TRAF6: variants seen among roughly 807,000 people sequenced by gnomAD.
The protein encoded by TRAF6 is TNF receptor associated factor 6, also known as TNF receptor-associated factor 6.
In TRAF6, 10 loss-of-function variants were observed where a neutral mutation model predicts 48.4. That is an observed-to-expected ratio of 0.21 (90% confidence interval 0.13 to 0.35). The LOEUF is 0.35. Ranked by LOEUF, TRAF6 falls within the 10% of genes least tolerant of loss-of-function variation. The probability of loss-of-function intolerance (pLI) is 1.00; values close to 1 mark genes in which losing one functional copy is unlikely to be tolerated. For synonymous variants in TRAF6, 186 were observed against 219.6 expected, an observed-to-expected ratio of 0.85 and a Z score of 1.35; for missense variants, 397 against 661.0, an observed-to-expected ratio of 0.60 and a Z score of 4.38.
intron 2 of TRAF6, 23 bp from the exon 3 acceptor site, chr11:36,498,663 A>T (rs895005178): frequency 8.8e-6 from 14 of 1,582,862 alleles, no homozygotes; most frequent in Non-Finnish European, 1.2e-5. Flanking sequence ...AAATACACAC[A>T]ATTAGATTTA....
intron 6 of TRAF6, 123 bp downstream of exon 6, chr11:36,492,428 C>A: frequency 1.2e-6 from 1 of 819,152 alleles, no homozygotes. Context: ...ATGAATAACT[C>A]TATTATATCA....
In TRAF6 at chr11:36,490,124, C is replaced by A; in HGVS notation, c.1283G>T (p.Gly428Val). The change falls in exon 7 of 7, where the codon GGT (glycine) becomes GTT (valine). Residue 428 changes from glycine (G) to valine (V), a missense_variant. Physicochemically the swap from Gly to Val is moderately radical, Grantham distance 109. Coordinates refer to ENST00000526995, the MANE Select transcript of TRAF6 (RefSeq NM_004620.4). This position sits in a 1 kb window ranked among gnomAD's most constrained non-coding sequence, Gnocchi z 6.4. ...YDSHLPWPFQ[G>V]TIRLTILDQS... is the part of the protein sequence containing the mutation. ...ATCAAGAATTGTAAGGCGTATTGTACCCTGGAAGGGCCAAGGGAGGTGGCT... is the reference window on the plus strand; with the variant it reads ...ATCAAGAATTGTAAGGCGTATTGTAACCTGGAAGGGCCAAGGGAGGTGGCT... The A allele has an allele frequency of 6.2e-7, 1 of 1,614,130 alleles. No individual in the cohort carries two copies. Among genetic ancestry groups the A allele is most frequent in the Non-Finnish European group, 8.5e-7 (1 of 1,180,036 alleles).
rs1859514847 is a variant in TRAF6 at position 36,488,252 on chromosome 11, G to A, written c.*1586C>T. The A allele has an allele frequency of 6.8e-6, 1 of 147,354 alleles. No homozygotes were observed. Among genetic ancestry groups the A allele is most frequent in the Non-Finnish European group, 1.5e-5 (1 of 67,042 alleles). 9.1% of individuals were successfully genotyped at this position (147,354 alleles called of 1,614,324 possible). On this transcript the variant is annotated 3_prime_UTR_variant, in exon 7 of 7. Coordinates refer to ENST00000526995, the MANE Select transcript of TRAF6 (RefSeq NM_004620.4). ...TGGTGGCACGGGAAACAAGGTCTCTGCTTGACTTTTATTTTCACTCCATAA... is the reference window on the plus strand; with the variant it reads ...TGGTGGCACGGGAAACAAGGTCTCTACTTGACTTTTATTTTCACTCCATAA...
intron 1 of TRAF6, among the ~76,000 whole-genome samples, chr11:36,506,677 C>A (rs1564970098): frequency 1.3e-5 from 2 of 152,128 alleles, no homozygotes; most frequent in East Asian, 3.9e-4. Flanking sequence ...CTAAGAAAAT[C>A]TGTCTAATCA....
chr11:36,501,256 T>C lies in TRAF6; in HGVS notation c.260A>G (p.His87Arg). The C allele has an allele frequency of 6.2e-7, 1 of 1,611,902 alleles. No individual in the cohort carries two copies. The highest frequency in any genetic ancestry group is 8.5e-7 in the Non-Finnish European group (1 of 1,179,494). ...TATGATGCAGGCTTTGCAGAACCTATGGCCGCATGGCGTTTGCACTGCTTC... is the reference window on the plus strand; with the variant it reads ...TATGATGCAGGCTTTGCAGAACCTACGGCCGCATGGCGTTTGCACTGCTTC... ...LREAVQTPCG[H>R]RFCKACIIKS... The change falls in exon 2 of 7, where the codon CAT (histidine) becomes CGT (arginine). Residue 87 changes from histidine (H) to arginine (R), a missense_variant. His to Arg is a conservative substitution (Grantham distance 29). This residue lies in a region of TRAF6 where 5 missense variants were observed against 25.7 expected (regional missense o/e 0.19). Coordinates refer to ENST00000526995, the MANE Select transcript of TRAF6 (RefSeq NM_004620.4).
At chr11:36,500,829 A>G (rs1161615426) in intron 2 of TRAF6, among the ~76,000 whole-genome samples, 2 of 152,158 alleles carry the variant, frequency 1.3e-5, no homozygotes, top group Admixed American at 6.5e-5. Context: ...TAAAATCACA[A>G]TAACTGATCA....
rs1859536674 is a variant in TRAF6 at position 36,489,784 on chromosome 11, C to G, written c.*54G>C. ...TGTTTGCATGTTATTGAGAACAGGG[C>G]AAGGAAAGGCACTGTTTTCTCCAGG... On this transcript the variant is annotated 3_prime_UTR_variant, in exon 7 of 7. Transcript: ENST00000526995. The G allele has an allele frequency of 6.5e-7, 1 of 1,540,470 alleles. No individual in the cohort carries two copies. The highest frequency in any genetic ancestry group is 8.8e-7 in the Non-Finnish European group (1 of 1,134,572).
In TRAF6 at chr11:36,484,459, C is replaced by G. The variant is rs1445945397; in HGVS notation, c.*5379G>C. ...AGACCACTGGATGTCTTTCAATTTT[C>G]AAAAGTCAGATTTCATTCCACAGCT... On this transcript the variant is annotated 3_prime_UTR_variant, in exon 7 of 7. Coordinates refer to ENST00000526995, the MANE Select transcript of TRAF6 (RefSeq NM_004620.4). Among the ~76,000 whole-genome samples the G allele has an allele frequency of 1.3e-5, 2 of 152,156 alleles. No homozygotes were observed. Among genetic ancestry groups the G allele is most frequent in the African/African-American group, 4.8e-5 (2 of 41,438 alleles).
intron 5 of TRAF6, among the ~76,000 whole-genome samples, chr11:36,493,633 GCA>G (rs5030505): frequency 0.013 from 2,004 of 152,294 alleles, 30 homozygotes; most frequent in East Asian, 0.069. Context: ...AGATGAGAGG[GCA>G]CAGTTAAAAT....
rs190598819 is a variant in TRAF6 at position 36,506,793 on chromosome 11, C to T, written c.-23+3255G>A. 3.3e-3 allele frequency among the ~76,000 whole-genome samples: 508 copies of T among 152,254 alleles called. 1 individual carries two copies. Among genetic ancestry groups the T allele is most frequent in the Non-Finnish European group, 5.6e-3 (381 of 67,996 alleles). On this transcript the variant is annotated intron_variant, in intron 1 of 6. Coordinates refer to ENST00000526995, the MANE Select transcript of TRAF6 (RefSeq NM_004620.4). ...TTCAAGTTTCACATTACTTTCCACG[C>T]TTTAAGATGCAATCCAGAAGCTTTC... is the stretch of plus-strand genomic sequence containing the variant.
At position 36,492,541 on chromosome 11, in the gene TRAF6, A is replaced by T. The variant is rs373503913; in HGVS notation, c.756+10T>A. 6.3e-7 allele frequency: 1 copy of T among 1,597,956 alleles called. No homozygotes were observed. The highest frequency in any genetic ancestry group is 8.5e-7 in the Non-Finnish European group (1 of 1,173,958). ...TTATATTCAAGAATTAAAAGAAAAAAAAACCTTACCTTTTCATGGCAACCA... is the reference window on the plus strand; with the variant it reads ...TTATATTCAAGAATTAAAAGAAAAATAAACCTTACCTTTTCATGGCAACCA... On this transcript the variant is annotated intron_variant, in intron 6 of 6. Coordinates refer to ENST00000526995, the MANE Select transcript of TRAF6 (RefSeq NM_004620.4).
chr11:36,502,730 G>T (rs866435514), intron 1 of TRAF6, among the ~76,000 whole-genome samples: 3 of 152,094 alleles, frequency 2.0e-5, no homozygotes, highest in African/African-American at 7.2e-5. Context: ...CTAATAAGTG[G>T]TGATGAGCTC....
chr11:36,505,798 T>C (rs1191747081), intron 1 of TRAF6, among the ~76,000 whole-genome samples: 1 of 152,168 alleles, frequency 6.6e-6, no homozygotes, highest in East Asian at 1.9e-4. Context: ...GTAGGATTAT[T>C]AATTGGTCTA....
At chr11:36,500,459 A>C (rs1214936494) in intron 2 of TRAF6, among the ~76,000 whole-genome samples, 1 of 152,218 alleles carries the variant, frequency 6.6e-6, no homozygotes, top group Admixed American at 6.5e-5. Flanking sequence ...GTGCAGCAGA[A>C]AAGAGGTCAG....
At chr11:36,498,258 T>G (rs1747052737) in intron 3 of TRAF6, among the ~76,000 whole-genome samples, 1 of 152,224 alleles carries the variant, frequency 6.6e-6, no homozygotes, top group Non-Finnish European at 1.5e-5. Context: ...CAATACTGAT[T>G]TTTTAAAAAA....
rs1244598898 is a variant in TRAF6 at position 36,485,254 on chromosome 11, T to A, written c.*4584A>T. ...TGCGCCTTACCATCTAAAATTTACA[T>A]GACAAGGTACCAGAAATTGGTCAGC... On this transcript the variant is annotated 3_prime_UTR_variant, in exon 7 of 7. Transcript: ENST00000526995. 6.6e-6 allele frequency among the ~76,000 whole-genome samples: 1 copy of A among 152,154 alleles called. No individual in the cohort carries two copies. The highest frequency in any genetic ancestry group is 2.4e-5 in the African/African-American group (1 of 41,408).
rs548919042 is a variant in TRAF6 at position 36,483,973 on chromosome 11, A to T, written c.*5865T>A. On this transcript the variant is annotated 3_prime_UTR_variant, in exon 7 of 7. Coordinates refer to ENST00000526995, the MANE Select transcript of TRAF6 (RefSeq NM_004620.4). ...GCAACCAGTACTGAGACATGACATA[A>T]AGTTAAAACTCCAGGTGCCTTTTTG... 4.5e-4 allele frequency among the ~76,000 whole-genome samples: 69 copies of T among 152,302 alleles called. No homozygotes were observed. The highest frequency in any genetic ancestry group is 1.6e-3 in the African/African-American group (66 of 41,572).
rs1366936203 is a variant in TRAF6 at position 36,501,288 on chromosome 11, T to C, written c.228A>G (p.Ala76=). 45 of 1,613,668 alleles carry C rather than the reference T, an allele frequency of 2.8e-5. No individual in the cohort carries two copies. Among genetic ancestry groups the C allele is most frequent in the Non-Finnish European group, 3.6e-5 (43 of 1,180,010 alleles). The stretch of plus-strand genomic sequence containing the variant: ...ATGGCGTTTGCACTGCTTCTCGTAA[T>C]GCCATCAAGCAGATGGGGCATTCAT... ...SKYECPICLM[A]LREAVQTPCG... Residue 76 remains alanine (A), a synonymous_variant, in exon 2 of 7, where the codon GCA becomes GCG. Coordinates refer to ENST00000526995, the MANE Select transcript of TRAF6 (RefSeq NM_004620.4).
In TRAF6 at chr11:36,484,453, A is replaced by C. The variant is rs1364599110; in HGVS notation, c.*5385T>G. Among the ~76,000 whole-genome samples, 1 of 152,214 alleles carries C rather than the reference A, an allele frequency of 6.6e-6. No individual in the cohort carries two copies. The highest frequency in any genetic ancestry group is 1.5e-5 in the Non-Finnish European group (1 of 68,032). ...GTGATAAGACCACTGGATGTCTTTC[A>C]ATTTTCAAAAGTCAGATTTCATTCC... On this transcript the variant is annotated 3_prime_UTR_variant, in exon 7 of 7. Coordinates refer to ENST00000526995, the MANE Select transcript of TRAF6 (RefSeq NM_004620.4).
Sources: allele counts gnomAD v4.1 joint callset (sites outside exome capture counted in the v4.1 genomes callset), GRCh38; gene constraint gnomAD v4.1.1; regional missense constraint gnomAD v4.1.1; non-coding constraint Gnocchi (gnomAD v3.1); transcripts MANE v1.5; gene names NCBI Gene and HGNC (gene_info 2026-07-23, HGNC 2026-07-21).